The following NKAIN2 variants were observed in gnomAD, a reference collection of about 807,000 sequenced individuals.
NKAIN2 encodes sodium/potassium transporting ATPase interacting 2, also known as sodium/potassium-transporting ATPase subunit beta-1-interacting protein 2.
A neutral mutation model predicts 32.6 loss-of-function variants in NKAIN2; 14 were observed. The ratio of observed to expected loss-of-function variants is 0.43; its 90% CI spans 0.28 to 0.67. The LOEUF (loss-of-function observed/expected upper bound fraction) is 0.67. Among genes scored for constraint, NKAIN2 ranks in the 30% least tolerant of loss-of-function variants. The pLI is 0.17. For synonymous variants in NKAIN2, 80 were observed against 87.2 expected (o/e 0.92, Z 0.46); for missense variants, 198 against 258.3 (o/e 0.77, Z 1.60).
At chr6:124,404,768 T>G (rs1773775253) in intron 3 of NKAIN2, among the ~76,000 whole-genome samples, 1 of 147,804 alleles carries the variant, frequency 6.8e-6, no homozygotes, top group African/African-American at 2.4e-5. Context: ...AGATTTAAGT[T>G]AGAATTTAAG....
chr6:124,246,622 G>C (rs1057219555), intron 1 of NKAIN2, among the ~76,000 whole-genome samples: 1 of 152,058 alleles, frequency 6.6e-6, no homozygotes, highest in Non-Finnish European at 1.5e-5. Context: ...AGTTTGAGGA[G>C]CAATACAATA....
chr6:124,809,796 A>T (rs539767015), intron 5 of NKAIN2, among the ~76,000 whole-genome samples: 56 of 152,292 alleles, frequency 3.7e-4, no homozygotes, highest in African/African-American at 1.3e-3. Flanking sequence ...AGAAAAAAAC[A>T]AACAACCCCA....
At chr6:124,107,232 C>A (rs1785165270) in intron 1 of NKAIN2, among the ~76,000 whole-genome samples, 1 of 152,134 alleles carries the variant, frequency 6.6e-6, no homozygotes, top group Admixed American at 6.5e-5. Flanking sequence ...ACCCGCAGAG[C>A]TTTGCAAATC....
At chr6:124,406,333 A>T (rs1348788403) in intron 3 of NKAIN2, among the ~76,000 whole-genome samples, 1 of 152,170 alleles carries the variant, frequency 6.6e-6, no homozygotes, top group Non-Finnish European at 1.5e-5. Context: ...TAAATTGATC[A>T]TACAATATGT....
chr6:124,570,264 T>C (rs1392728170), intron 3 of NKAIN2, among the ~76,000 whole-genome samples: 1 of 152,156 alleles, frequency 6.6e-6, no homozygotes, highest in Non-Finnish European at 1.5e-5. Flanking sequence ...GATGCAGTAG[T>C]AAAGAAAAGC....
intron 1 of NKAIN2, among the ~76,000 whole-genome samples, chr6:124,202,365 G>A (rs1339099778): frequency 2.6e-5 from 4 of 151,914 alleles, no homozygotes; most frequent in African/African-American, 9.7e-5. Context: ...CCTTAGCGAG[G>A]CAGAAACCAA....
chr6:124,139,079 ATTT>A (rs900247440), intron 1 of NKAIN2, among the ~76,000 whole-genome samples: 7 of 99,496 alleles, frequency 7.0e-5, no homozygotes, highest in South Asian at 7.1e-4. Flanking sequence ...TTAAATAAAA[ATTT>A]TTTTTTTTTT....
chr6:124,026,147 G>A (rs1781101846), intron 1 of NKAIN2, among the ~76,000 whole-genome samples: 2 of 152,124 alleles, frequency 1.3e-5, no homozygotes, highest in Non-Finnish European at 1.5e-5. Context: ...TAGCATAAAT[G>A]TACAGTTTGG....
intron 4 of NKAIN2, among the ~76,000 whole-genome samples, chr6:124,676,690 C>T (rs572660486): frequency 1.5e-3 from 221 of 152,208 alleles, no homozygotes; most frequent in Non-Finnish European, 2.4e-3. Flanking sequence ...GCCTCAAAAT[C>T]GTGAGCTGAA....
At chr6:124,250,899 T>G (rs1391449724) in intron 1 of NKAIN2, among the ~76,000 whole-genome samples, 2 of 151,988 alleles carry the variant, frequency 1.3e-5, no homozygotes, top group African/African-American at 4.8e-5. Flanking sequence ...GTCAGAGGTG[T>G]TGATATCTAA....
intron 2 of NKAIN2, among the ~76,000 whole-genome samples, chr6:124,333,268 A>G (rs1797737062): frequency 6.6e-6 from 1 of 152,164 alleles, no homozygotes; most frequent in Admixed American, 6.6e-5. Flanking sequence ...CTAAATAACA[A>G]AGTACCACAA....
chr6:124,103,659 C>A (rs900786890), intron 1 of NKAIN2, among the ~76,000 whole-genome samples: 1 of 152,102 alleles, frequency 6.6e-6, no homozygotes, highest in East Asian at 1.9e-4. Context: ...ACTTTTTAAG[C>A]AAGCATTCAC....
chr6:124,217,490 A>T (rs1366734152), intron 1 of NKAIN2, among the ~76,000 whole-genome samples: 1 of 152,106 alleles, frequency 6.6e-6, no homozygotes, highest in South Asian at 2.1e-4. Flanking sequence ...AAATTATACT[A>T]AAAACGATCT....
At chr6:124,159,751 A>G (rs1788179058) in intron 1 of NKAIN2, among the ~76,000 whole-genome samples, 1 of 152,124 alleles carries the variant, frequency 6.6e-6, no homozygotes, top group Admixed American at 6.6e-5. Flanking sequence ...GGCCTCAGAA[A>G]CCCAAGCGCA....
At chr6:124,398,110 G>A (rs1490391500) in intron 3 of NKAIN2, among the ~76,000 whole-genome samples, 7 of 151,660 alleles carry the variant, frequency 4.6e-5, no homozygotes, top group South Asian at 4.2e-4. Flanking sequence ...AAAATTAGCC[G>A]GGCGTGGTTG....
intron 1 of NKAIN2, among the ~76,000 whole-genome samples, chr6:123,983,771 AG>A (rs1779010039): frequency 1.3e-5 from 2 of 151,848 alleles, no homozygotes; most frequent in African/African-American, 4.8e-5. Context: ...AATAATATTA[AG>A]TGTTTAGAAT....
chr6:124,068,176 T>C (rs995282643), intron 1 of NKAIN2, among the ~76,000 whole-genome samples: 2 of 152,162 alleles, frequency 1.3e-5, no homozygotes, highest in Non-Finnish European at 2.9e-5. Flanking sequence ...CTATTAATAA[T>C]AATGTACTAG....
At chr6:124,447,994 C>G (rs1370947574) in intron 3 of NKAIN2, among the ~76,000 whole-genome samples, 1 of 152,078 alleles carries the variant, frequency 6.6e-6, no homozygotes, top group African/African-American at 2.4e-5. Flanking sequence ...TATGGTGTCT[C>G]CAGTTTCTCT....
chr6:124,463,709 A>G (rs1249169698), intron 3 of NKAIN2, among the ~76,000 whole-genome samples: 1 of 152,154 alleles, frequency 6.6e-6, no homozygotes, highest in Non-Finnish European at 1.5e-5. Context: ...GAACTCCCAT[A>G]GCATTTAACT....
Sources: gnomAD v4.1 joint callset for allele counts (sites outside exome capture counted in the v4.1 genomes callset) on GRCh38, gnomAD v4.1.1 for gene constraint, MANE v1.5 for transcripts, NCBI Gene and HGNC (gene_info 2026-07-23, HGNC 2026-07-21) for gene names.